The following DCC variants were observed in gnomAD, a reference collection of about 807,000 sequenced individuals.
DCC encodes the protein netrin receptor DCC.
In DCC, 58 loss-of-function variants were observed where a neutral mutation model predicts 172.5. The ratio of observed to expected loss-of-function variants is 0.34; its 90% CI spans 0.27 to 0.42. The LOEUF (loss-of-function observed/expected upper bound fraction) is 0.42, where lower values mean the gene tolerates loss of function less well. Among genes scored for constraint, DCC ranks in the 10% least tolerant of loss-of-function variants. The pLI is 1.00. For missense variants in DCC, 1,740 were observed against 1,791.0 expected (o/e 0.97, Z 0.51); for synonymous variants, 709 against 644.5 (o/e 1.10, Z -1.52).
At position 53,339,708 on chromosome 18, in the gene DCC, G is replaced by A. The variant is rs1568066562; in HGVS notation, c.2165-5G>A. 6.2e-7 allele frequency: 1 copy of A among 1,612,970 alleles called. No homozygotes were observed. The highest frequency in any genetic ancestry group is 8.5e-7 in the Non-Finnish European group (1 of 1,179,048). On this transcript the variant is annotated splice_polypyrimidine_tract_variant and splice_region_variant and intron_variant, in intron 14 of 28. Coordinates refer to ENST00000442544, the MANE Select transcript of DCC (RefSeq NM_005215.4). ...ATGCTGATGATGCCTCTTTTTGAATGCTAGAATCTCAAGTTCCTGATCAAC... is the reference window on the plus strand; with the variant it reads ...ATGCTGATGATGCCTCTTTTTGAATACTAGAATCTCAAGTTCCTGATCAAC...
At chr18:53,497,696 T>G (rs2046041943) in intron 26 of DCC, among the ~76,000 whole-genome samples, 1 of 152,214 alleles carries the variant, frequency 6.6e-6, no homozygotes, top group South Asian at 2.1e-4. Flanking sequence ...TAAAAGAAAT[T>G]TAGTGCCTTG....
chr18:53,292,587 G>T (rs1172775699), intron 12 of DCC, among the ~76,000 whole-genome samples: 2 of 152,182 alleles, frequency 1.3e-5, no homozygotes, highest in African/African-American at 4.8e-5. Context: ...TACTAAAGAG[G>T]CTGAGGCAGG....
chr18:53,381,864 T>A (rs1407713037), intron 15 of DCC, among the ~76,000 whole-genome samples: 1 of 152,004 alleles, frequency 6.6e-6, no homozygotes, highest in African/African-American at 2.4e-5. Context: ...AAAAATTTGA[T>A]AATTTCTCAT....
chr18:52,938,176 A>G (rs183825279), intron 5 of DCC, among the ~76,000 whole-genome samples: 1 of 152,276 alleles, frequency 6.6e-6, no homozygotes, highest in Non-Finnish European at 1.5e-5. Context: ...GACTCTTCAT[A>G]TCTGCTAATA....
chr18:53,497,089 G>C (rs1464160376), intron 26 of DCC, among the ~76,000 whole-genome samples: 1 of 152,114 alleles, frequency 6.6e-6, no homozygotes, highest in Non-Finnish European at 1.5e-5. Flanking sequence ...TTCTTTCCCT[G>C]GATGAATATT....
At chr18:53,027,352 T>C (rs994076668) in intron 5 of DCC, among the ~76,000 whole-genome samples, 2 of 152,180 alleles carry the variant, frequency 1.3e-5, no homozygotes, top group Non-Finnish European at 2.9e-5. Context: ...TGAGAGATAT[T>C]GTAGAGGCAA....
chr18:53,350,092 A>T (rs928215097), intron 15 of DCC, among the ~76,000 whole-genome samples: 1 of 152,196 alleles, frequency 6.6e-6, no homozygotes, highest in East Asian at 1.9e-4. Context: ...AACAGATTAT[A>T]TATAAATATA....
chr18:53,308,314 G>T (rs2057226520), intron 13 of DCC, among the ~76,000 whole-genome samples: 1 of 151,666 alleles, frequency 6.6e-6, no homozygotes, highest in African/African-American at 2.4e-5. Context: ...TAGTACAAGA[G>T]CTCGTATTTA....
chr18:53,232,313 A>G (rs954408148), intron 12 of DCC, among the ~76,000 whole-genome samples: 2 of 152,170 alleles, frequency 1.3e-5, no homozygotes, highest in African/African-American at 4.8e-5. Context: ...TGCAAATGTC[A>G]TGTGACTATT....
intron 1 of DCC, among the ~76,000 whole-genome samples, chr18:52,400,536 C>T (rs181719118): frequency 1.3e-5 from 2 of 152,066 alleles, no homozygotes; most frequent in Admixed American, 6.5e-5. Context: ...GACAGTGTGG[C>T]AATTCCTCAA....
chr18:52,892,897 A>G (rs1028338332), intron 2 of DCC, among the ~76,000 whole-genome samples: 1 of 152,158 alleles, frequency 6.6e-6, no homozygotes, highest in Non-Finnish European at 1.5e-5. Context: ...TGAAATTAAA[A>G]TTATATAGAT....
chr18:52,782,057 G>T (rs1009562843), intron 2 of DCC, among the ~76,000 whole-genome samples: 1 of 152,092 alleles, frequency 6.6e-6, no homozygotes, highest in East Asian at 1.9e-4. Flanking sequence ...CATAAAGACA[G>T]TCAAGGTAAA....
At chr18:52,514,099 G>C (rs941773192) in intron 1 of DCC, among the ~76,000 whole-genome samples, 12 of 151,942 alleles carry the variant, frequency 7.9e-5, no homozygotes, top group African/African-American at 1.5e-4. Context: ...TGACAATATA[G>C]GGTAATCATT....
chr18:53,249,318 G>A (rs1183243697), intron 12 of DCC, among the ~76,000 whole-genome samples: 1 of 151,868 alleles, frequency 6.6e-6, no homozygotes, highest in African/African-American at 2.4e-5. Flanking sequence ...TGTATGTGTT[G>A]TACCCCAAAG....
chr18:53,113,890 C>T (rs1268746554), intron 7 of DCC, among the ~76,000 whole-genome samples: 1 of 151,298 alleles, frequency 6.6e-6, no homozygotes, highest in Non-Finnish European at 1.5e-5. Context: ...CTTAACTAAG[C>T]CTTGCCAATG....
chr18:53,116,299 T>G (rs2043408010), intron 7 of DCC, among the ~76,000 whole-genome samples: 2 of 151,744 alleles, frequency 1.3e-5, no homozygotes. Context: ...TACAGAATTT[T>G]TGGGAGTTTA....
chr18:52,544,086 T>A (rs1465366950), intron 1 of DCC, among the ~76,000 whole-genome samples: 1 of 152,236 alleles, frequency 6.6e-6, no homozygotes, highest in Non-Finnish European at 1.5e-5. Context: ...GTGAAAGCTT[T>A]AATTTGGCCC....
chr18:53,095,538 A>G (rs903618890), intron 7 of DCC, among the ~76,000 whole-genome samples: 2 of 152,204 alleles, frequency 1.3e-5, no homozygotes, highest in Admixed American at 6.5e-5. Flanking sequence ...ATTCAGTCTA[A>G]CCAGCTAAAG....
At position 53,034,076 on chromosome 18, in the gene DCC, T is replaced by C. The variant is rs988702957; in HGVS notation, c.986-29229T>C. Among the ~76,000 whole-genome samples, 7 of 152,058 alleles carry C rather than the reference T, an allele frequency of 4.6e-5. No individual in the cohort carries two copies. In the East Asian group the frequency reaches 1.4e-3, roughly 30 times the overall value. On this transcript the variant is annotated intron_variant, in intron 5 of 28. Transcript: ENST00000442544. ...TTTCCCACCTCTTAGTTCTCACTTC[T>C]CTTCTCTCTTTTTGAGAGAGAAGAT...
Sources: gnomAD v4.1 joint callset for allele counts (sites outside exome capture counted in the v4.1 genomes callset) on GRCh38, gnomAD v4.1.1 for gene constraint, MANE v1.5 for transcripts, NCBI Gene and HGNC (gene_info 2026-07-23, HGNC 2026-07-21) for gene names.